Variants in CNTN5 observed in about 807,000 individuals in gnomAD.
CNTN5 encodes contactin-5.
Under a neutral mutation model 129.1 loss-of-function variants are expected in CNTN5, and 77 were observed. That is an observed-to-expected ratio of 0.60 (90% CI 0.50 to 0.72). CNTN5 has a LOEUF of 0.72. Among genes scored for constraint, CNTN5 ranks in the 30% least tolerant of loss-of-function variants. The probability of loss-of-function intolerance (pLI) is 0.00; values close to 1 mark genes in which losing one functional copy is unlikely to be tolerated. For synonymous variants in CNTN5, 509 were observed against 465.6 expected (o/e 1.09, Z -1.20); for missense variants, 1,478 against 1,328.8 (o/e 1.11, Z -1.75).
chr11:99,889,324 G>T (rs7131613), intron 6 of CNTN5, among the ~76,000 whole-genome samples: 917 of 25,962 alleles, frequency 0.035, 26 homozygotes, highest in South Asian at 0.11. Context: ...GTGTGTGTGT[G>T]TGTGTGTGTG....
chr11:100,004,741 G>A (rs1844124641), intron 9 of CNTN5, among the ~76,000 whole-genome samples: 1 of 152,180 alleles, frequency 6.6e-6, no homozygotes, highest in Admixed American at 6.6e-5. Context: ...GGAGGAGATG[G>A]TGTTTCCAGA....
intron 21 of CNTN5, among the ~76,000 whole-genome samples, chr11:100,310,177 A>C (rs1180199536): frequency 6.6e-6 from 1 of 151,890 alleles, no homozygotes; most frequent in Non-Finnish European, 1.5e-5. Flanking sequence ...ATTAGTGTGA[A>C]TTCACTCTAA....
At chr11:99,776,469 G>T (rs558015798) in intron 3 of CNTN5, among the ~76,000 whole-genome samples, 22 of 151,162 alleles carry the variant, frequency 1.5e-4, no homozygotes, top group Admixed American at 1.3e-3. Context: ...GCCATTTTTG[G>T]GAAAAGAAAG....
chr11:99,619,135 G>A (rs1950850367), intron 3 of CNTN5, among the ~76,000 whole-genome samples: 1 of 151,978 alleles, frequency 6.6e-6, no homozygotes, highest in South Asian at 2.1e-4. Context: ...TCCCATTCAA[G>A]ATCAAAACTG....
chr11:99,503,486 T>A (rs1425850980), intron 2 of CNTN5, among the ~76,000 whole-genome samples: 6 of 152,236 alleles, frequency 3.9e-5, no homozygotes, highest in African/African-American at 9.6e-5. Context: ...CAAGCTCAGT[T>A]CAGACATAAT....
chr11:99,531,642 A>G (rs1483193722), intron 2 of CNTN5, among the ~76,000 whole-genome samples: 3 of 152,186 alleles, frequency 2.0e-5, no homozygotes, highest in East Asian at 3.9e-4. Context: ...TGTGCAGCCT[A>G]TGGACTTGGT....
At chr11:100,161,669 A>G (rs771429763) in intron 13 of CNTN5, among the ~76,000 whole-genome samples, 1 of 151,750 alleles carries the variant, frequency 6.6e-6, no homozygotes, top group Non-Finnish European at 1.5e-5. Context: ...CAAAATGAAT[A>G]ATACTTATAT....
intron 1 of CNTN5, among the ~76,000 whole-genome samples, chr11:99,160,326 AT>A (rs1265444285): frequency 2.0e-5 from 3 of 152,196 alleles, no homozygotes; most frequent in Non-Finnish European, 4.4e-5. Flanking sequence ...TATGTGCAAT[AT>A]TTTGTTTTGT....
intron 13 of CNTN5, among the ~76,000 whole-genome samples, chr11:100,101,755 C>T (rs527385994): frequency 5.3e-5 from 8 of 151,992 alleles, no homozygotes; most frequent in Non-Finnish European, 7.4e-5. Flanking sequence ...TCTGAGTCTC[C>T]GAAGTCCATT....
chr11:99,390,569 T>A (rs1432668063), intron 2 of CNTN5, among the ~76,000 whole-genome samples: 1 of 152,218 alleles, frequency 6.6e-6, no homozygotes, highest in Non-Finnish European at 1.5e-5. Flanking sequence ...CCATATTATG[T>A]TGAGCTCAGA....
intron 10 of CNTN5, among the ~76,000 whole-genome samples, chr11:100,066,700 C>T (rs574025881): frequency 6.6e-6 from 1 of 151,764 alleles, no homozygotes; most frequent in Non-Finnish European, 1.5e-5. Context: ...TAAATGTGGC[C>T]CAACCTGTGA....
At position 100,206,131 on chromosome 11, in the gene CNTN5, A is replaced by C. The variant is rs186718463; in HGVS notation, c.1884+12468A>C. On this transcript the variant is annotated intron_variant, in intron 15 of 24. Coordinates refer to ENST00000524871, the MANE Select transcript of CNTN5 (RefSeq NM_014361.4). ...GTTCAGGAAGCTGAGTCAAAGGTAC[A>C]CATCATCCAACCCGTGGAAGCAGGG... Among the ~76,000 whole-genome samples, 32 of 152,238 alleles carry C rather than the reference A, an allele frequency of 2.1e-4. No individual in the cohort carries two copies. The East Asian group carries it at 5.0e-3, about 24-fold the overall frequency.
intron 13 of CNTN5, among the ~76,000 whole-genome samples, chr11:100,089,729 G>T (rs887700921): frequency 6.6e-6 from 1 of 152,158 alleles, no homozygotes; most frequent in African/African-American, 2.4e-5. Flanking sequence ...AAAGGGACAA[G>T]ATCATGTCCT....
Position 99,618,846 on chromosome 11 carries a change from A to G in CNTN5, c.55+62577A>G, listed in dbSNP as rs562284618. Among the ~76,000 whole-genome samples, 10 of 152,302 alleles carry G rather than the reference A, an allele frequency of 6.6e-5. No individual in the cohort carries two copies. The East Asian group carries it at 1.4e-3, about 21-fold the overall frequency. On this transcript the variant is annotated intron_variant, in intron 3 of 24. Transcript: ENST00000524871. ...TCTCATTTACCCCATAAATAAATGC[A>G]TACACCTACTATCTGCAAAAATTAA... is the stretch of plus-strand genomic sequence containing the variant.
chr11:99,394,880 T>A (rs1941440587), intron 2 of CNTN5, among the ~76,000 whole-genome samples: 1 of 152,032 alleles, frequency 6.6e-6, no homozygotes, highest in South Asian at 2.1e-4. Context: ...GATCTTTTTC[T>A]TTTTTATTGC....
At chr11:99,533,041 G>A (rs935233597) in intron 2 of CNTN5, among the ~76,000 whole-genome samples, 4 of 152,128 alleles carry the variant, frequency 2.6e-5, no homozygotes, top group Non-Finnish European at 5.9e-5. Flanking sequence ...TGGCCAACAT[G>A]GCAAAACCAC....
intron 1 of CNTN5, among the ~76,000 whole-genome samples, chr11:99,077,157 T>C (rs998627074): frequency 6.6e-6 from 1 of 152,166 alleles, no homozygotes; most frequent in Non-Finnish European, 1.5e-5. Flanking sequence ...AATTCAGATA[T>C]GTTGGAGAAG....
Position 99,081,553 on chromosome 11 carries a change from T to C in CNTN5, c.-210+60283T>C, listed in dbSNP as rs183705678. Among the ~76,000 whole-genome samples, 16 of 152,300 alleles carry C rather than the reference T, an allele frequency of 1.1e-4. No homozygotes were observed. The East Asian group carries it at 2.9e-3, about 28-fold the overall frequency. Reference sequence around the variant, plus strand: ...TCAATCTCATACCTAAACAATGATCTCAGGATGATATCATATCTACTTATT... The same window carrying C: ...TCAATCTCATACCTAAACAATGATCCCAGGATGATATCATATCTACTTATT... On this transcript the variant is annotated intron_variant, in intron 1 of 24. Coordinates refer to ENST00000524871, the MANE Select transcript of CNTN5 (RefSeq NM_014361.4).
intron 6 of CNTN5, among the ~76,000 whole-genome samples, chr11:99,868,050 A>T (rs942080634): frequency 6.6e-6 from 1 of 152,124 alleles, no homozygotes. Context: ...CCCTGTGTCT[A>T]CTAAAAATAC....
Sources: gnomAD v4.1 joint callset for allele counts (sites outside exome capture counted in the v4.1 genomes callset) on GRCh38, gnomAD v4.1.1 for gene constraint, MANE v1.5 for transcripts, NCBI Gene and HGNC (gene_info 2026-07-23, HGNC 2026-07-21) for gene names.